PFDN4: variants seen among roughly 807,000 people sequenced by gnomAD.
PFDN4 encodes the protein prefoldin 4.
In PFDN4, 6 loss-of-function variants were observed where a neutral mutation model predicts 17.6. The observed-to-expected ratio is 0.34, with a 90% confidence interval of 0.19 to 0.67. The LOEUF (loss-of-function observed/expected upper bound fraction) is 0.67. Ranked by LOEUF, PFDN4 falls within the 30% of genes least tolerant of loss-of-function variation. The pLI is 0.68. For missense variants in PFDN4, 119 were observed against 158.4 expected, an observed-to-expected ratio of 0.75 and a Z score of 1.33; for synonymous variants, 48 against 51.1, an observed-to-expected ratio of 0.94 and a Z score of 0.26.
At chr20:54,214,681 C>T (rs1459375172) in intron 2 of PFDN4, among the ~76,000 whole-genome samples, 1 of 152,042 alleles carries the variant, frequency 6.6e-6, no homozygotes, top group African/African-American at 2.4e-5. Context: ...AGGAACAAGT[C>T]TCGGAGAACT....
At chr20:54,209,683 G>A (rs999239035) in intron 1 of PFDN4, among the ~76,000 whole-genome samples, 4 of 152,164 alleles carry the variant, frequency 2.6e-5, no homozygotes, top group Non-Finnish European at 2.9e-5. Context: ...AGTGCAGAGA[G>A]GTGAAGTAAA....
In PFDN4 at chr20:54,215,322, A is replaced by G. The variant is rs1317825943; in HGVS notation, c.155A>G (p.Asp52Gly). 2 of 1,588,966 alleles carry G rather than the reference A, an allele frequency of 1.3e-6. No individual in the cohort carries two copies. The highest frequency in any genetic ancestry group is 1.3e-5 in the African/African-American group (1 of 74,490). The change falls in exon 3 of 4, where the codon GAT becomes GGT. Residue 52 changes from aspartate (D) to glycine (G), a missense_variant. Asp to Gly is a moderately conservative substitution (Grantham distance 94). This residue lies in a region of PFDN4 where 81 missense variants were observed against 111.7 expected (regional missense o/e 0.73). Coordinates refer to ENST00000371419, the MANE Select transcript of PFDN4 (RefSeq NM_002623.4). ...VKKKQLQNLE[D>G]ACDDIMLADD... The stretch of plus-strand genomic sequence containing the variant: ...TAGAAACAACTCCAAAACCTAGAAG[A>G]TGCTTGTGATGACATCATGCTTGCA...
At chr20:54,208,233 C>A in intron 1 of PFDN4, 109 bp downstream of exon 1, 1 of 1,057,678 alleles carries the variant, frequency 9.5e-7, no homozygotes, top group Non-Finnish European at 1.3e-6. Flanking sequence ...CGGCGTGGGA[C>A]CCGAGGCCGA....
chr20:54,216,849 G>A lies in PFDN4; in HGVS notation c.273+1409G>A, dbSNP rs138024884. On this transcript the variant is annotated intron_variant, in intron 3 of 3. Transcript: ENST00000371419. The stretch of plus-strand genomic sequence containing the variant: ...TTTTTGTACTTTTGGTAGAGACAGG[G>A]TTTCACCATGTTGGGCAGACTGGTC... Among the ~76,000 whole-genome samples, 1,116 of 152,122 alleles carry A rather than the reference G, an allele frequency of 7.3e-3. 13 individuals are homozygous for A. The highest frequency in any genetic ancestry group is 0.026 in the African/African-American group (1,079 of 41,504).
intron 1 of PFDN4, among the ~76,000 whole-genome samples, chr20:54,212,664 A>G (rs912359431): frequency 6.6e-6 from 1 of 152,262 alleles, no homozygotes; most frequent in East Asian, 1.9e-4. Context: ...AGCCCTCACC[A>G]AGACAAATAC....
intron 3 of PFDN4, among the ~76,000 whole-genome samples, chr20:54,218,629 G>A (rs73137408): frequency 0.17 from 25,754 of 152,136 alleles, 2,689 homozygotes; most frequent in South Asian, 0.33. Context: ...GGTTGGTGGT[G>A]TGAGTTTCTA....
In PFDN4 at chr20:54,215,455, A is replaced by C; in HGVS notation, c.273+15A>C. ...AAGAAGCAAAGGTATGTTAAAGGTT[A>C]ATTCTGAAATTAGAATTTATATCAC... On this transcript the variant is annotated intron_variant, in intron 3 of 3. Coordinates refer to ENST00000371419, the MANE Select transcript of PFDN4 (RefSeq NM_002623.4). 2.6e-6 allele frequency: 4 copies of C among 1,535,746 alleles called. No homozygotes were observed. Among genetic ancestry groups the C allele is most frequent in the Non-Finnish European group, 3.6e-6 (4 of 1,123,566 alleles).
At position 54,219,214 on chromosome 20, in the gene PFDN4, C is replaced by T; in HGVS notation, c.*64C>T. The T allele has an allele frequency of 1.9e-6, 2 of 1,046,256 alleles. No individual in the cohort carries two copies. The highest frequency in any genetic ancestry group is 2.6e-6 in the Non-Finnish European group (2 of 757,520). 64.8% of individuals were successfully genotyped at this position (1,046,256 alleles called of 1,614,324 possible). A position where few individuals can be genotyped will look rare whatever the true frequency, so the allele number is the denominator to read the frequency against. ...GAATATTGTTTAAAATGATAATTTT[C>T]CTTCTTCAAATGACATGGAAAGCAA... On this transcript the variant is annotated 3_prime_UTR_variant, in exon 4 of 4. Coordinates refer to ENST00000371419, the MANE Select transcript of PFDN4 (RefSeq NM_002623.4).
intron 3 of PFDN4, among the ~76,000 whole-genome samples, chr20:54,218,369 A>G (rs2092765446): frequency 6.6e-6 from 1 of 152,136 alleles, no homozygotes; most frequent in African/African-American, 2.4e-5. Flanking sequence ...TTATAATTGT[A>G]TAAATTTATG....
chr20:54,208,753 G>A (rs2092751748), intron 1 of PFDN4: 1 of 152,344 alleles, frequency 6.6e-6, no homozygotes, highest in African/African-American at 2.4e-5. Context: ...AATGGAAGAT[G>A]TGCCGGGCCC....
intron 1 of PFDN4, among the ~76,000 whole-genome samples, chr20:54,209,989 A>G (rs769916417): frequency 1.4e-4 from 22 of 152,204 alleles, no homozygotes; most frequent in Non-Finnish European, 2.4e-4. Flanking sequence ...TGCTTATGAA[A>G]TGAGGGCCAA....
rs899785475 is a variant in PFDN4, at chr20:54,215,062, A to G, written c.133-238A>G. The stretch of plus-strand genomic sequence containing the variant: ...AAAATAGAAGAAATTTTGAGTGACC[A>G]TGTGCCTGCTGTCCACCACAGGGCG... On this transcript the variant is annotated intron_variant, in intron 2 of 3. Coordinates refer to ENST00000371419, the MANE Select transcript of PFDN4 (RefSeq NM_002623.4). 3.3e-5 allele frequency among the ~76,000 whole-genome samples: 5 copies of G among 152,344 alleles called. 1 individual carries two copies.
Position 54,219,011 on chromosome 20 carries a change from T to C in PFDN4, c.274-8T>C, listed in dbSNP as rs2092766294. ...GAATAGAATTAATTTAAAATATTTT[T>C]TTTCCAGAAAAATTTGCAAGAAGAA... On this transcript the variant is annotated splice_polypyrimidine_tract_variant and splice_region_variant and intron_variant, in intron 3 of 3. Transcript: ENST00000371419. 12 of 1,461,802 alleles carry C rather than the reference T, an allele frequency of 8.2e-6. No homozygotes were observed. The East Asian group carries it at 3.0e-4, about 37-fold the overall frequency. 90.6% of individuals were successfully genotyped at this position (1,461,802 alleles called of 1,614,324 possible).
intron 3 of PFDN4, among the ~76,000 whole-genome samples, chr20:54,217,829 G>T (rs1384711994): frequency 6.6e-6 from 1 of 151,992 alleles, no homozygotes; most frequent in Admixed American, 6.6e-5. Flanking sequence ...TTCTTGTTTT[G>T]TAACAGTGAT....
chr20:54,212,925 A>T (rs2092757885), intron 1 of PFDN4, among the ~76,000 whole-genome samples: 1 of 152,234 alleles, frequency 6.6e-6, no homozygotes, highest in Non-Finnish European at 1.5e-5. Context: ...GTGTGATGTA[A>T]AGGATTTTTT....
rs147108860 is a variant in PFDN4 at position 54,214,576 on chromosome 20, G to A, written c.132+118G>A. On this transcript the variant is annotated intron_variant, in intron 2 of 3. Coordinates refer to ENST00000371419, the MANE Select transcript of PFDN4 (RefSeq NM_002623.4). ...GCTGTTTGTTGCAGATGAATGACGC[G>A]ATCCACTCTAGTTAAGCAGAAAGTC... 5.3e-3 allele frequency: 3,002 copies of A among 562,482 alleles called. 16 individuals carry two copies. Among genetic ancestry groups the A allele is most frequent in the Middle Eastern group, 8.6e-3 (19 of 2,206 alleles). 34.8% of individuals were successfully genotyped at this position (562,482 alleles called of 1,614,324 possible).
chr20:54,214,647 A>G (rs1601175779), intron 2 of PFDN4, among the ~76,000 whole-genome samples, 189 bp downstream of exon 2: 1 of 151,966 alleles, frequency 6.6e-6, no homozygotes, highest in East Asian at 1.9e-4. Flanking sequence ...GTTGTTGAGG[A>G]GCTTGAGTCT....
chr20:54,212,151 C>T (rs1476135690), intron 1 of PFDN4, among the ~76,000 whole-genome samples: 6 of 151,266 alleles, frequency 4.0e-5, no homozygotes, highest in Non-Finnish European at 8.8e-5. Flanking sequence ...CAAGATCATG[C>T]TACTGCACTT....
At chr20:54,215,551 T>TAACAAGGCAG in intron 3 of PFDN4, 111 bp downstream of exon 3, 1 of 692,060 alleles carries the variant, frequency 1.4e-6, no homozygotes, top group Non-Finnish European at 2.3e-6. Flanking sequence ...TACTGCCTTG[T>TAACAAGGCAG]TATGTCCCAG....
Sources: allele counts gnomAD v4.1 joint callset (sites outside exome capture counted in the v4.1 genomes callset), GRCh38; gene constraint gnomAD v4.1.1; regional missense constraint gnomAD v4.1.1; transcripts MANE v1.5; gene names NCBI Gene and HGNC (gene_info 2026-07-23, HGNC 2026-07-21).